EXOC4: variants seen among roughly 807,000 people sequenced by gnomAD.
EXOC4 encodes the protein exocyst complex component 4, also known as SEC8-like 1.
In EXOC4, 71 loss-of-function variants were observed where a neutral mutation model predicts 107.2. The ratio of observed to expected loss-of-function variants is 0.66; its 90% CI spans 0.55 to 0.81. The LOEUF (loss-of-function observed/expected upper bound fraction) is 0.81, where lower values mean the gene tolerates loss of function less well. EXOC4 is among the 30% of genes least tolerant of loss of function. The pLI, the probability that EXOC4 is intolerant of heterozygous loss-of-function variation, is 0.00. For synonymous variants in EXOC4, 456 were observed against 441.2 expected, an observed-to-expected ratio of 1.03 and a Z score of -0.42; for missense variants, 1,108 against 1,189.6, an observed-to-expected ratio of 0.93 and a Z score of 1.01.
chr7:133,454,173 G>A (rs546879514), intron 7 of EXOC4, among the ~76,000 whole-genome samples: 1 of 152,244 alleles, frequency 6.6e-6, no homozygotes, highest in Non-Finnish European at 1.5e-5. Context: ...TAAATATTCA[G>A]TTTCCAGTAG....
At chr7:133,368,321 C>T (rs1796290381) in intron 6 of EXOC4, among the ~76,000 whole-genome samples, 1 of 152,092 alleles carries the variant, frequency 6.6e-6, no homozygotes. Flanking sequence ...TTGAAATCAC[C>T]TAACTTAATC....
At chr7:133,949,749 T>C (rs1449120738) in intron 14 of EXOC4, among the ~76,000 whole-genome samples, 4 of 143,092 alleles carry the variant, frequency 2.8e-5, no homozygotes, top group African/African-American at 7.5e-5. Flanking sequence ...TTATTTAGTG[T>C]TTGCTAAGCT....
intron 15 of EXOC4, among the ~76,000 whole-genome samples, chr7:134,004,637 A>G (rs1794601018): frequency 6.6e-6 from 1 of 152,162 alleles, no homozygotes; most frequent in East Asian, 1.9e-4. Context: ...CTTGCCCCAG[A>G]TCACTCAGTT....
At chr7:133,534,029 C>G (rs1254683108) in intron 9 of EXOC4, among the ~76,000 whole-genome samples, 3 of 152,182 alleles carry the variant, frequency 2.0e-5, no homozygotes, top group Non-Finnish European at 4.4e-5. Context: ...GAGAATACCT[C>G]TTCTGAATAA....
At chr7:133,954,440 GCTTA>G (rs1429594374) in intron 14 of EXOC4, among the ~76,000 whole-genome samples, 13 of 152,130 alleles carry the variant, frequency 8.5e-5, no homozygotes, top group South Asian at 2.1e-4. Context: ...TTCATCTTTA[GCTTA>G]CTTTTTATTG....
At chr7:133,439,182 C>CTTTTTTTTTTTTTTTT (rs35280420) in intron 7 of EXOC4, among the ~76,000 whole-genome samples, 1 of 94,066 alleles carries the variant, frequency 1.1e-5, no homozygotes, top group Non-Finnish European at 1.9e-5. Context: ...TTCATCAGTT[C>CTTTTTTTTTTTTTTTT]TTTTTTTTTT....
At chr7:133,349,256 C>T (rs118138569) in intron 5 of EXOC4, among the ~76,000 whole-genome samples, 3,186 of 152,130 alleles carry the variant, frequency 0.021, 35 homozygotes, top group Middle Eastern at 0.037. Flanking sequence ...CCATCTATTT[C>T]CATTACTCTT....
At chr7:133,476,608 G>C (rs897888549) in intron 8 of EXOC4, among the ~76,000 whole-genome samples, 1 of 152,160 alleles carries the variant, frequency 6.6e-6, no homozygotes, top group Admixed American at 6.5e-5. Flanking sequence ...TGATCTAGCA[G>C]AGAGGAGATT....
intron 17 of EXOC4, among the ~76,000 whole-genome samples, chr7:134,032,580 G>A (rs1426701033): frequency 6.6e-6 from 1 of 152,188 alleles, no homozygotes; most frequent in Non-Finnish European, 1.5e-5. Context: ...CCTGAGCTGG[G>A]GGGCCTCACT....
intron 10 of EXOC4, among the ~76,000 whole-genome samples, chr7:133,813,430 A>C: frequency 6.6e-6 from 1 of 152,342 alleles, no homozygotes; most frequent in East Asian, 1.9e-4. Context: ...TAATTCTCAT[A>C]ATATTAAAAA....
chr7:133,731,079 C>T (rs1040167142), intron 10 of EXOC4, among the ~76,000 whole-genome samples: 2 of 152,040 alleles, frequency 1.3e-5, no homozygotes, highest in Non-Finnish European at 2.9e-5. Flanking sequence ...CAGAGATTTT[C>T]AAAAATATTA....
rs938499240 is a variant in EXOC4 at position 133,895,511 on chromosome 7, T to G, written c.1735-88T>G. 2.9e-6 allele frequency: 4 copies of G among 1,366,130 alleles called. No homozygotes were observed. In the South Asian group the frequency reaches 5.3e-5, roughly 18 times the overall value. The allele number at this position is 1,366,130 out of a possible 1,614,324, so 84.6% of individuals were successfully genotyped here. A position where few individuals can be genotyped will look rare whatever the true frequency, so the allele number is the denominator to read the frequency against. The stretch of plus-strand genomic sequence containing the variant: ...TTCTTGCAGGAGAGCTCAGGTACCT[T>G]AAATTATGACATACTTGGAGTTGTC... On this transcript the variant is annotated intron_variant, in intron 11 of 17. Transcript: ENST00000253861.
At chr7:133,595,836 T>C (rs1243762113) in intron 9 of EXOC4, among the ~76,000 whole-genome samples, 2 of 152,226 alleles carry the variant, frequency 1.3e-5, no homozygotes, top group Non-Finnish European at 2.9e-5. Context: ...AGAGGTTTTC[T>C]AAGAAGCTGA....
intron 11 of EXOC4, among the ~76,000 whole-genome samples, chr7:133,850,867 T>G (rs1349222801): frequency 6.6e-6 from 1 of 152,216 alleles, no homozygotes; most frequent in Admixed American, 6.5e-5. Context: ...TCTGGAATAT[T>G]GGCAAAACAA....
intron 12 of EXOC4, among the ~76,000 whole-genome samples, chr7:133,898,870 C>T (rs973206830): frequency 3.3e-5 from 5 of 151,452 alleles, no homozygotes; most frequent in South Asian, 2.1e-4. Context: ...CCCAGCTACT[C>T]GGGAGGCTGA....
At chr7:133,658,973 A>G (rs1171729912) in intron 10 of EXOC4, among the ~76,000 whole-genome samples, 4 of 120,868 alleles carry the variant, frequency 3.3e-5, no homozygotes, top group Non-Finnish European at 3.4e-5. Context: ...TTAGCCAATC[A>G]TTGATTTGGT....
intron 14 of EXOC4, among the ~76,000 whole-genome samples, chr7:133,969,904 G>A (rs1218630898): frequency 6.6e-6 from 1 of 152,300 alleles, no homozygotes; most frequent in Non-Finnish European, 1.5e-5. Flanking sequence ...GAGCTGGCAG[G>A]CAGGAACATT....
At chr7:133,465,724 G>A (rs1798711923) in intron 7 of EXOC4, among the ~76,000 whole-genome samples, 2 of 152,112 alleles carry the variant, frequency 1.3e-5, no homozygotes, top group South Asian at 4.1e-4. Flanking sequence ...ACAAAAAAAG[G>A]GAAGAAATTT....
At chr7:133,940,074 A>G (rs2116737664) in intron 14 of EXOC4, among the ~76,000 whole-genome samples, 1 of 152,312 alleles carries the variant, frequency 6.6e-6, no homozygotes, top group Non-Finnish European at 1.5e-5. Flanking sequence ...GCTCTCATTT[A>G]GTATGTCATT....
Sources: gnomAD v4.1 joint callset for allele counts (sites outside exome capture counted in the v4.1 genomes callset) on GRCh38, gnomAD v4.1.1 for gene constraint, MANE v1.5 for transcripts, NCBI Gene and HGNC (gene_info 2026-07-23, HGNC 2026-07-21) for gene names.